The following PSTPIP2 variants were observed in gnomAD, a reference collection of about 807,000 sequenced individuals.
PSTPIP2 encodes proline-serine-threonine phosphatase interacting protein 2.
A neutral mutation model predicts 63.3 loss-of-function variants in PSTPIP2; 33 were observed. The observed-to-expected ratio is 0.52, with a 90% CI of 0.40 to 0.70. The LOEUF (loss-of-function observed/expected upper bound fraction) is 0.70, where lower values mean the gene tolerates loss of function less well. Among genes scored for constraint, PSTPIP2 ranks in the 30% least tolerant of loss-of-function variants. The pLI, the probability that PSTPIP2 is intolerant of heterozygous loss-of-function variation, is 0.00. For missense variants in PSTPIP2, 312 were observed against 400.7 expected (o/e 0.78, Z 1.89); for synonymous variants, 125 against 132.7 (o/e 0.94, Z 0.40).
chr18:46,068,633 A>G (rs556700295), intron 1 of PSTPIP2, among the ~76,000 whole-genome samples: 15 of 151,740 alleles, frequency 9.9e-5, no homozygotes, highest in Non-Finnish European at 1.9e-4. Context: ...TTGGGAGGCC[A>G]AGGCAAGAGG....
In PSTPIP2 at chr18:45,984,275, A is replaced by C. The variant is rs2051445878; in HGVS notation, c.*1184T>G. ...CTCTCTGTAATACTGAAAAACTGAGAGTGCTATTTTAACTTGTCAATAACT... is the reference window on the plus strand; with the variant it reads ...CTCTCTGTAATACTGAAAAACTGAGCGTGCTATTTTAACTTGTCAATAACT... On this transcript the variant is annotated 3_prime_UTR_variant, in exon 15 of 15. Coordinates refer to ENST00000409746, the MANE Select transcript of PSTPIP2 (RefSeq NM_024430.4). The C allele has an allele frequency of 6.6e-6, 1 of 152,228 alleles. No homozygotes were observed. The highest frequency in any genetic ancestry group is 1.5e-5 in the Non-Finnish European group (1 of 68,042). 9.4% of individuals were successfully genotyped at this position (152,228 alleles called of 1,614,324 possible). A position where few individuals can be genotyped will look rare whatever the true frequency, so the allele number is the denominator to read the frequency against.
chr18:46,030,124 A>G (rs553147767), intron 2 of PSTPIP2, among the ~76,000 whole-genome samples: 1 of 151,974 alleles, frequency 6.6e-6, no homozygotes, highest in Non-Finnish European at 1.5e-5. Flanking sequence ...CAAAAAAAGA[A>G]AAGAAAGAAA....
chr18:45,999,378 G>C (rs553874441), intron 7 of PSTPIP2, 58 bp downstream of exon 7: 4 of 1,470,534 alleles, frequency 2.7e-6, no homozygotes, highest in Middle Eastern at 1.7e-4. Context: ...TTCATAATTG[G>C]CTTTAGCCTG....
At chr18:46,016,583 A>G (rs1370917695) in intron 3 of PSTPIP2, among the ~76,000 whole-genome samples, 2 of 152,322 alleles carry the variant, frequency 1.3e-5, no homozygotes, top group East Asian at 3.9e-4. Flanking sequence ...AGTCTAATGG[A>G]GGAGACAGAC....
chr18:46,021,958 G>A (rs534047643), intron 3 of PSTPIP2, among the ~76,000 whole-genome samples: 7 of 149,152 alleles, frequency 4.7e-5, no homozygotes, highest in Non-Finnish European at 1.0e-4. Context: ...TTTGATTCCA[G>A]ATTTAAATTT....
chr18:45,997,851 G>T, intron 8 of PSTPIP2, 23 bp from the exon 9 acceptor site: 1 of 1,606,582 alleles, frequency 6.2e-7, no homozygotes, highest in Non-Finnish European at 8.5e-7. Context: ...GGAGAGACCT[G>T]GGTCAGAAAC....
At chr18:46,024,751 A>C in intron 2 of PSTPIP2, 65 bp from the exon 3 acceptor site, 2 of 1,363,300 alleles carry the variant, frequency 1.5e-6, no homozygotes, top group Admixed American at 3.5e-5. Flanking sequence ...AGACACAATG[A>C]CCCTCCCTTG....
intron 2 of PSTPIP2, chr18:46,029,010 C>T: frequency 1.2e-6 from 1 of 841,716 alleles, no homozygotes; most frequent in Non-Finnish European, 2.1e-6. Flanking sequence ...TTGTGATGGT[C>T]GCTGGATTAG....
chr18:46,002,869 C>T (rs1402842318), intron 6 of PSTPIP2, among the ~76,000 whole-genome samples: 1 of 152,238 alleles, frequency 6.6e-6, no homozygotes, highest in South Asian at 2.1e-4. Context: ...ATAATTCCAA[C>T]ATCTCTGTTA....
rs1436346772 is a variant in PSTPIP2, at chr18:45,983,887, C to T, written c.*1572G>A. The T allele has an allele frequency of 6.6e-6, 1 of 152,286 alleles. No individual in the cohort carries two copies. The highest frequency in any genetic ancestry group is 2.4e-5 in the African/African-American group (1 of 41,442). The allele number at this position is 152,286 out of a possible 1,614,324, so 9.4% of individuals were successfully genotyped here. A position where few individuals can be genotyped will look rare whatever the true frequency, so the allele number is the denominator to read the frequency against. ...ATAGGCCGGGCGCAGTGGCTCACGC[C>T]TGTAATCCCAGCACTTTGGGAGGCC... is the stretch of plus-strand genomic sequence containing the variant. On this transcript the variant is annotated 3_prime_UTR_variant, in exon 15 of 15. Coordinates refer to ENST00000409746, the MANE Select transcript of PSTPIP2 (RefSeq NM_024430.4).
intron 2 of PSTPIP2, chr18:46,029,272 T>C: frequency 7.3e-7 from 1 of 1,374,642 alleles, no homozygotes; most frequent in African/African-American, 1.4e-5. Context: ...GGGTCCTTCT[T>C]GCTCATAAAT....
At position 46,011,342 on chromosome 18, in the gene PSTPIP2, A is replaced by T; in HGVS notation, c.248-55T>A. Reference sequence around the variant, plus strand: ...GGTCTACATATGTCTGAATTAAAATATATAAAATCATACAAAATAAATATG... The same window carrying T: ...GGTCTACATATGTCTGAATTAAAATTTATAAAATCATACAAAATAAATATG... On this transcript the variant is annotated intron_variant, in intron 4 of 14. Coordinates refer to ENST00000409746, the MANE Select transcript of PSTPIP2 (RefSeq NM_024430.4). 3.8e-6 allele frequency: 5 copies of T among 1,309,926 alleles called. No individual in the cohort carries two copies. In the East Asian group the frequency reaches 6.9e-5, roughly 18 times the overall value. The allele number at this position is 1,309,926 out of a possible 1,614,324, so 81.1% of individuals were successfully genotyped here.
intron 2 of PSTPIP2, among the ~76,000 whole-genome samples, chr18:46,030,183 A>G (rs1907739441): frequency 6.6e-6 from 1 of 152,250 alleles, no homozygotes; most frequent in Admixed American, 6.5e-5. Context: ...AGGTTGCACC[A>G]TTACTCAGAC....
chr18:46,020,805 T>A (rs1335201868), intron 3 of PSTPIP2, among the ~76,000 whole-genome samples: 1 of 152,206 alleles, frequency 6.6e-6, no homozygotes, highest in Non-Finnish European at 1.5e-5. Flanking sequence ...AGGTATACTC[T>A]TAGAAGGAAA....
chr18:46,045,084 T>G (rs1316171416), intron 1 of PSTPIP2, among the ~76,000 whole-genome samples: 3 of 152,210 alleles, frequency 2.0e-5, no homozygotes, highest in Non-Finnish European at 4.4e-5. Flanking sequence ...GTTCAACCCT[T>G]GTGGAAGTCA....
chr18:46,016,011 T>C, intron 3 of PSTPIP2, 74 bp from the exon 4 acceptor site: 1 of 1,495,738 alleles, frequency 6.7e-7, no homozygotes, highest in East Asian at 2.4e-5. Context: ...TGCCTTTGCA[T>C]GCTTCTCTCT....
chr18:46,024,312 A>C (rs533550969), intron 3 of PSTPIP2, among the ~76,000 whole-genome samples: 1 of 151,802 alleles, frequency 6.6e-6, no homozygotes, highest in Non-Finnish European at 1.5e-5. Context: ...TAATTTTTCT[A>C]TTTTTAGTAG....
intron 9 of PSTPIP2, among the ~76,000 whole-genome samples, chr18:45,997,440 G>A (rs557673641): frequency 6.6e-6 from 1 of 152,030 alleles, no homozygotes; most frequent in South Asian, 2.1e-4. Context: ...CACCCACCTC[G>A]GCCTCCCAAA....
intron 5 of PSTPIP2, among the ~76,000 whole-genome samples, chr18:46,009,820 C>T (rs557037551): frequency 4.4e-4 from 67 of 152,260 alleles, no homozygotes; most frequent in Non-Finnish European, 8.5e-4. Flanking sequence ...TGTAATTCCC[C>T]TAGAGGGGTG....
Sources: gnomAD v4.1 joint callset for allele counts (sites outside exome capture counted in the v4.1 genomes callset) on GRCh38, gnomAD v4.1.1 for gene constraint, MANE v1.5 for transcripts, NCBI Gene and HGNC (gene_info 2026-07-23, HGNC 2026-07-21) for gene names.